The following VPS13B variants were observed in gnomAD, a reference collection of about 807,000 sequenced individuals.
VPS13B encodes the protein intermembrane lipid transfer protein VPS13B.
VPS13B carries 285 observed loss-of-function variants against 426.4 expected under a neutral mutation model. That is an observed-to-expected ratio of 0.67 (90% CI 0.61 to 0.74). The LOEUF is 0.74. Ranked by LOEUF, VPS13B falls within the 30% of genes least tolerant of loss-of-function variation. The probability of loss-of-function intolerance (pLI) is 0.00; values close to 1 mark genes in which losing one functional copy is unlikely to be tolerated. For synonymous variants in VPS13B, 1,676 were observed against 1,676.4 expected, an observed-to-expected ratio of 1.00 and a Z score of 0.01; for missense variants, 4,537 against 4,782.6, an observed-to-expected ratio of 0.95 and a Z score of 1.51.
rs201448190 is a variant in VPS13B at position 99,642,401 on chromosome 8, T to G, written c.5811T>G (p.Pro1937=). The change falls in exon 34 of 62, where the codon CCT becomes CCG. Residue 1937 remains proline (P), a synonymous_variant. Transcript: ENST00000357162. The part of the protein sequence containing the change: ...EPFLYFIVSQ[P]SLLLSCHHRK... ...TTCTGTACTTTATTGTGTCCCAGCC[T>G]TCCTTGCTTCTGAGTTGTCACCACA... The G allele has an allele frequency of 6.8e-5, 110 of 1,614,090 alleles. No homozygotes were observed. Among genetic ancestry groups the G allele is most frequent in the Non-Finnish European group, 8.5e-6 (10 of 1,179,978 alleles).
intron 21 of VPS13B, among the ~76,000 whole-genome samples, chr8:99,408,287 G>A (rs943727058): frequency 4.7e-4 from 72 of 152,190 alleles, no homozygotes; most frequent in African/African-American, 1.3e-3. Context: ...GAGATAAGCC[G>A]GGTGCCATAT....
At chr8:99,273,159 GT>G (rs757322206) in intron 17 of VPS13B, among the ~76,000 whole-genome samples, 310 of 129,440 alleles carry the variant, frequency 2.4e-3, no homozygotes, top group African/African-American at 4.5e-3. Flanking sequence ...TACTCAGGTA[GT>G]TTTTTTTTTT....
At chr8:99,270,030 A>G (rs1818492335) in intron 17 of VPS13B, among the ~76,000 whole-genome samples, 1 of 151,742 alleles carries the variant, frequency 6.6e-6, no homozygotes, top group South Asian at 2.1e-4. Flanking sequence ...AACCAAATTT[A>G]AAAATACTTG....
intron 37 of VPS13B, among the ~76,000 whole-genome samples, chr8:99,719,926 CT>C (rs1324724410): frequency 6.6e-6 from 1 of 152,098 alleles, no homozygotes; most frequent in Non-Finnish European, 1.5e-5. Context: ...ATAAGGATTG[CT>C]TATTTAATCT....
chr8:99,360,164 TTC>T (rs1200763126), intron 19 of VPS13B, among the ~76,000 whole-genome samples: 19 of 39,616 alleles, frequency 4.8e-4, no homozygotes, highest in African/African-American at 2.1e-3. Flanking sequence ...CTTTCTTTCT[TTC>T]TTTCTTTCTT....
At chr8:99,858,271 A>G (rs1427698934) in intron 56 of VPS13B, among the ~76,000 whole-genome samples, 1 of 152,196 alleles carries the variant, frequency 6.6e-6, no homozygotes, top group Non-Finnish European at 1.5e-5. Flanking sequence ...ACAGCCCCAA[A>G]TCCCCACCCC....
At chr8:99,258,009 G>T (rs556713610) in intron 17 of VPS13B, among the ~76,000 whole-genome samples, 3 of 150,550 alleles carry the variant, frequency 2.0e-5, no homozygotes, top group East Asian at 2.0e-4. Flanking sequence ...CAGGCATTTT[G>T]TTTTTTCTTG....
intron 20 of VPS13B, among the ~76,000 whole-genome samples, chr8:99,391,316 G>T (rs1328389375): frequency 6.6e-6 from 1 of 151,366 alleles, no homozygotes; most frequent in Non-Finnish European, 1.5e-5. Flanking sequence ...AATTTAAGTG[G>T]ATAAGCATTG....
chr8:99,251,106 C>T (rs1003833140), intron 17 of VPS13B, among the ~76,000 whole-genome samples: 2 of 152,008 alleles, frequency 1.3e-5, no homozygotes, highest in African/African-American at 2.4e-5. Flanking sequence ...AATGCAGAGA[C>T]GGACAGCATT....
At chr8:99,646,381 C>T (rs1220662819) in intron 34 of VPS13B, among the ~76,000 whole-genome samples, 3 of 152,062 alleles carry the variant, frequency 2.0e-5, no homozygotes, top group African/African-American at 7.2e-5. Context: ...TAATTGCCAC[C>T]AGTTGCAGTG....
At chr8:99,398,393 GCATGA>G (rs891083758) in intron 21 of VPS13B, among the ~76,000 whole-genome samples, 2 of 152,216 alleles carry the variant, frequency 1.3e-5, no homozygotes, top group Non-Finnish European at 2.9e-5. Context: ...AGAAGAAGGT[GCATGA>G]CATGCTGTAG....
At chr8:99,742,542 A>G (rs1188094063) in intron 39 of VPS13B, among the ~76,000 whole-genome samples, 1 of 152,192 alleles carries the variant, frequency 6.6e-6, no homozygotes, top group Non-Finnish European at 1.5e-5. Context: ...TTTTAGACCA[A>G]TATCCCTGAT....
At chr8:99,605,163 A>T (rs982764562) in intron 33 of VPS13B, among the ~76,000 whole-genome samples, 10 of 152,174 alleles carry the variant, frequency 6.6e-5, no homozygotes, top group African/African-American at 2.4e-4. Flanking sequence ...GACCTGAGGG[A>T]AAACCCATGA....
chr8:99,327,084 GTTTT>G (rs1437055377), intron 19 of VPS13B, among the ~76,000 whole-genome samples: 1 of 152,114 alleles, frequency 6.6e-6, no homozygotes, highest in Non-Finnish European at 1.5e-5. Flanking sequence ...ACTTCGAAGA[GTTTT>G]TTTCTTTAAT....
chr8:99,693,151 T>C (rs1407867581), intron 35 of VPS13B, among the ~76,000 whole-genome samples: 2 of 148,228 alleles, frequency 1.3e-5, no homozygotes, highest in Non-Finnish European at 3.0e-5. Context: ...TCTGAAACTA[T>C]TCCAATCAAT....
At chr8:99,087,279 G>T (rs1206275937) in intron 3 of VPS13B, among the ~76,000 whole-genome samples, 2 of 152,208 alleles carry the variant, frequency 1.3e-5, no homozygotes, top group Non-Finnish European at 2.9e-5. Flanking sequence ...TAATCTCCTG[G>T]TGTGCCGTTT....
chr8:99,220,780 C>CT (rs5893485), intron 17 of VPS13B, among the ~76,000 whole-genome samples: 17,680 of 112,928 alleles, frequency 0.16, 1,586 homozygotes, highest in African/African-American at 0.24. Flanking sequence ...TAGTTTTATT[C>CT]TTTTTTTTTT....
chr8:99,790,589 AG>A, intron 43 of VPS13B, among the ~76,000 whole-genome samples: 1 of 152,210 alleles, frequency 6.6e-6, no homozygotes, highest in Non-Finnish European at 1.5e-5. Context: ...CACTAGCCAT[AG>A]GGAAGAAATG....
chr8:99,209,461 G>T (rs1814937726), intron 17 of VPS13B: 1 of 153,006 alleles, frequency 6.5e-6, no homozygotes, highest in South Asian at 2.0e-4. Context: ...GTAAGACCAA[G>T]ATCTGTAAAT....
Sources: gnomAD v4.1 joint callset for allele counts (sites outside exome capture counted in the v4.1 genomes callset) on GRCh38, gnomAD v4.1.1 for gene constraint, MANE v1.5 for transcripts, NCBI Gene and HGNC (gene_info 2026-07-23, HGNC 2026-07-21) for gene names.